The following SHROOM3 variants were observed in gnomAD, a reference collection of about 807,000 sequenced individuals.
SHROOM3 encodes protein Shroom3.
In SHROOM3, 47 loss-of-function variants were observed where a neutral mutation model predicts 138.6. The observed-to-expected ratio is 0.34, with a 90% CI of 0.27 to 0.43. The LOEUF is 0.43. SHROOM3 is among the 20% of genes least tolerant of loss of function. The pLI is 1.00. For synonymous variants in SHROOM3, 1,062 were observed against 1,063.3 expected, an observed-to-expected ratio of 1.00 and a Z score of 0.02; for missense variants, 2,491 against 2,596.5, an observed-to-expected ratio of 0.96 and a Z score of 0.88.
intron 2 of SHROOM3, among the ~76,000 whole-genome samples, chr4:76,672,904 T>C (rs1220388013): frequency 1.3e-5 from 2 of 152,184 alleles, no homozygotes; most frequent in African/African-American, 2.4e-5. Flanking sequence ...TGAAAAAATA[T>C]TACTTGCATT....
intron 2 of SHROOM3, among the ~76,000 whole-genome samples, chr4:76,661,523 T>C (rs1454319064): frequency 2.6e-5 from 4 of 152,180 alleles, no homozygotes; most frequent in African/African-American, 9.7e-5. Context: ...CGTGAGACAC[T>C]GCGCCTGGCA....
At chr4:76,448,080 A>G (rs1034663401) in intron 1 of SHROOM3, among the ~76,000 whole-genome samples, 1 of 152,148 alleles carries the variant, frequency 6.6e-6, no homozygotes, top group Non-Finnish European at 1.5e-5. Context: ...TTATTTATAG[A>G]GCATTATTTA....
intron 2 of SHROOM3, among the ~76,000 whole-genome samples, chr4:76,611,113 T>C (rs1159390968): frequency 1.3e-5 from 2 of 152,196 alleles, no homozygotes; most frequent in Non-Finnish European, 2.9e-5. Flanking sequence ...AGTGTATAAT[T>C]TGGTGGCATT....
intron 1 of SHROOM3, among the ~76,000 whole-genome samples, chr4:76,501,082 T>C (rs1482045334): frequency 6.6e-6 from 1 of 152,184 alleles, no homozygotes; most frequent in Admixed American, 6.5e-5. Context: ...CCTCCCAAAG[T>C]GCTGAGATTA....
At chr4:76,575,128 G>A (rs1015165727) in intron 2 of SHROOM3, among the ~76,000 whole-genome samples, 1 of 152,214 alleles carries the variant, frequency 6.6e-6, no homozygotes, top group Non-Finnish European at 1.5e-5. Flanking sequence ...AGCTGAAAAA[G>A]CATTTGATCC....
chr4:76,638,193 T>C (rs13125004), intron 2 of SHROOM3, among the ~76,000 whole-genome samples: 7 of 152,340 alleles, frequency 4.6e-5, no homozygotes, highest in African/African-American at 1.7e-4. Flanking sequence ...TTATCTGATG[T>C]TGTATATTTA....
intron 2 of SHROOM3, among the ~76,000 whole-genome samples, chr4:76,581,906 T>C (rs115253551): frequency 9.9e-4 from 151 of 152,294 alleles, no homozygotes; most frequent in African/African-American, 3.4e-3. Context: ...CCCTCACCAT[T>C]GAGATTTATT....
At chr4:76,677,592 T>G (rs1719076516) in intron 2 of SHROOM3, among the ~76,000 whole-genome samples, 1 of 152,212 alleles carries the variant, frequency 6.6e-6, no homozygotes, top group Non-Finnish European at 1.5e-5. Flanking sequence ...TGGGCAAGTG[T>G]GTCTGTCTGT....
At chr4:76,536,232 C>T (rs1732951015) in intron 1 of SHROOM3, among the ~76,000 whole-genome samples, 2 of 152,114 alleles carry the variant, frequency 1.3e-5, no homozygotes, top group African/African-American at 2.4e-5. Context: ...AATTTGCTGA[C>T]AAGTATCCAT....
At chr4:76,728,732 G>C (rs1720781983) in intron 3 of SHROOM3, among the ~76,000 whole-genome samples, 1 of 151,940 alleles carries the variant, frequency 6.6e-6, no homozygotes, top group South Asian at 2.1e-4. Context: ...TTTCTTTTTG[G>C]CCTATGTTTA....
At chr4:76,760,021 C>T (rs377547920) in intron 9 of SHROOM3, among the ~76,000 whole-genome samples, 29 of 152,300 alleles carry the variant, frequency 1.9e-4, no homozygotes, top group African/African-American at 5.8e-4. Flanking sequence ...ACCAGGACCC[C>T]GACACTGTTC....
In SHROOM3 at chr4:76,756,811, G is replaced by C; in HGVS notation, c.5072G>C (p.Arg1691Thr). 6.2e-7 allele frequency: 1 copy of C among 1,614,140 alleles called. No individual in the cohort carries two copies. Among genetic ancestry groups the C allele is most frequent in the South Asian group, 1.1e-5 (1 of 91,070 alleles). Residue 1691 changes from arginine (R) to threonine (T), a missense_variant, in exon 8 of 11, where the codon AGG (arginine) becomes ACG (threonine). Coordinates refer to ENST00000296043, the MANE Select transcript of SHROOM3 (RefSeq NM_020859.4). ...SLADILDPDS[R>T]LKTTMDLMEG... Reference sequence around the variant, plus strand: ...GCAGACATTTTGGATCCAGACTCCAGGCTGAAGACAACAATGGACCTGATG... The same window carrying C: ...GCAGACATTTTGGATCCAGACTCCACGCTGAAGACAACAATGGACCTGATG...
At chr4:76,634,314 T>C (rs1305712860) in intron 2 of SHROOM3, among the ~76,000 whole-genome samples, 1 of 152,168 alleles carries the variant, frequency 6.6e-6, no homozygotes, top group African/African-American at 2.4e-5. Context: ...CTCCAAGGTA[T>C]AGAAAGTCCT....
chr4:76,598,179 AC>A (rs1734429200), intron 2 of SHROOM3, among the ~76,000 whole-genome samples: 1 of 152,064 alleles, frequency 6.6e-6, no homozygotes, highest in South Asian at 2.1e-4. Flanking sequence ...GGCGCCTGCC[AC>A]CACGCCTGGC....
rs1718634492 is a variant in SHROOM3 at position 76,664,503 on chromosome 4, T to C, written c.324-45653T>C. Among the ~76,000 whole-genome samples, 1 of 152,226 alleles carries C rather than the reference T, an allele frequency of 6.6e-6. No homozygotes were observed. The highest frequency in any genetic ancestry group is 2.4e-5 in the African/African-American group (1 of 41,446). On this transcript the variant is annotated intron_variant, in intron 2 of 10. Transcript: ENST00000296043. This position sits in a 1 kb window ranked among gnomAD's most constrained non-coding sequence, Gnocchi z 4.2. ...CTTTTAAAAATAATGATGCCTGTGCTACAATTAAAATAGTCGTGATGATGA... is the reference window on the plus strand; with the variant it reads ...CTTTTAAAAATAATGATGCCTGTGCCACAATTAAAATAGTCGTGATGATGA...
intron 2 of SHROOM3, among the ~76,000 whole-genome samples, chr4:76,614,544 A>G (rs1219488186): frequency 6.6e-6 from 1 of 152,140 alleles, no homozygotes; most frequent in Non-Finnish European, 1.5e-5. Context: ...ACATAGGTAT[A>G]TATGTGCCAT....
chr4:76,776,683 ACTTC>A (rs1722581612), intron 10 of SHROOM3, among the ~76,000 whole-genome samples: 2 of 152,252 alleles, frequency 1.3e-5, no homozygotes, highest in South Asian at 4.1e-4. Flanking sequence ...TAAGACATGT[ACTTC>A]CTTCCTTCAG....
intron 2 of SHROOM3, among the ~76,000 whole-genome samples, chr4:76,601,171 T>C (rs1249626428): frequency 6.6e-6 from 1 of 152,246 alleles, no homozygotes; most frequent in African/African-American, 2.4e-5. Context: ...GTTAAAAATT[T>C]ACATCAGTGG....
intron 1 of SHROOM3, among the ~76,000 whole-genome samples, chr4:76,523,474 T>C (rs1732613126): frequency 6.6e-6 from 1 of 152,118 alleles, no homozygotes; most frequent in South Asian, 2.1e-4. Context: ...TAGCAAAATA[T>C]TAATAGATGA....
Sources: gnomAD v4.1 joint callset for allele counts (sites outside exome capture counted in the v4.1 genomes callset) on GRCh38, gnomAD v4.1.1 for gene constraint, Gnocchi (gnomAD v3.1) non-coding constraint, MANE v1.5 for transcripts, NCBI Gene and HGNC (gene_info 2026-07-23, HGNC 2026-07-21) for gene names.